SLCO4C1: variants seen among roughly 807,000 people sequenced by gnomAD.
SLCO4C1 encodes the protein solute carrier organic anion transporter family member 4C1, also known as organic anion transporter M1.
Under a neutral mutation model 72.1 loss-of-function variants are expected in SLCO4C1, and 58 were observed. The ratio of observed to expected loss-of-function variants is 0.80; its 90% CI spans 0.65 to 1.00. SLCO4C1 has a LOEUF of 1.00. SLCO4C1 is among the 50% of genes least tolerant of loss of function. The pLI, the probability that SLCO4C1 is intolerant of heterozygous loss-of-function variation, is 0.00. For synonymous variants in SLCO4C1, 297 were observed against 312.5 expected (o/e 0.95, Z 0.52); for missense variants, 898 against 857.9 (o/e 1.05, Z -0.58).
chr5:102,269,625 T>G (rs1191830660), intron 3 of SLCO4C1, among the ~76,000 whole-genome samples: 1 of 152,182 alleles, frequency 6.6e-6, no homozygotes. Context: ...CTGAGTTCCC[T>G]TGATATCGTA....
rs1408420153 is a variant in SLCO4C1, at chr5:102,262,008, G to A, written c.925C>T (p.Arg309Ter). ...CCAATCCACCAAGCTCCCAACCATC[G>A]CGGATCATCCTCAGTGACATCAGTG... ...ESTDVTEDDP[R>*]WLGAWWIGFL... is the part of the protein sequence containing the mutation. The change falls in exon 5 of 13, where the codon CGA (arginine) becomes TGA (stop). Residue 309 changes from arginine (R) to a stop codon, truncating the protein, a stop_gained. Transcript: ENST00000310954. LOFTEE classifies it high-confidence loss of function. The A allele has an allele frequency of 9.3e-6, 15 of 1,612,722 alleles. No individual in the cohort carries two copies. The Admixed American group carries it at 1.2e-4, about 13-fold the overall frequency.
At chr5:102,275,027 T>G (rs1749223525) in intron 2 of SLCO4C1, among the ~76,000 whole-genome samples, 1 of 152,026 alleles carries the variant, frequency 6.6e-6, no homozygotes, top group East Asian at 1.9e-4. Flanking sequence ...TTTATTAAAA[T>G]TAAGATTAGG....
At chr5:102,258,153 A>G in intron 6 of SLCO4C1, 66 bp from the exon 7 acceptor site, 4 of 1,303,192 alleles carry the variant, frequency 3.1e-6, no homozygotes, top group Non-Finnish European at 4.1e-6. Flanking sequence ...CAGAATTAGA[A>G]GGTTAGCATG....
At position 102,235,795 on chromosome 5, in the gene SLCO4C1, C is replaced by G. The variant is rs2112327258; in HGVS notation, c.*1063G>C. ...CTGATGGTCTGAGGTGGAGCAGTTT[C>G]ATCTCAAAACCATACCTTCTTCCCC... On this transcript the variant is annotated 3_prime_UTR_variant, in exon 13 of 13. Transcript: ENST00000310954. 1 of 152,352 alleles carries G rather than the reference C, an allele frequency of 6.6e-6. No homozygotes were observed. Among genetic ancestry groups the G allele is most frequent in the African/African-American group, 2.4e-5 (1 of 41,582 alleles). 9.4% of individuals were successfully genotyped at this position (152,352 alleles called of 1,614,324 possible).
At chr5:102,250,998 A>G (rs1451917276) in intron 8 of SLCO4C1, among the ~76,000 whole-genome samples, 1 of 151,996 alleles carries the variant, frequency 6.6e-6, no homozygotes, top group Non-Finnish European at 1.5e-5. Context: ...AAAAAATCGT[A>G]AAAAATATAT....
chr5:102,258,759 C>G (rs550594221), intron 6 of SLCO4C1, among the ~76,000 whole-genome samples: 1 of 152,022 alleles, frequency 6.6e-6, no homozygotes, highest in South Asian at 2.1e-4. Flanking sequence ...CAAACACACA[C>G]ACACACCACA....
Position 102,258,202 on chromosome 5 carries a change from A to C in SLCO4C1, c.1129-115T>G, listed in dbSNP as rs983924997. On this transcript the variant is annotated intron_variant, in intron 6 of 12. Transcript: ENST00000310954. The stretch of plus-strand genomic sequence containing the variant: ...ATTTTACAATCATCTGTAAAATTTC[A>C]GCATTTCCTCCAAAACAAAAATATA... The C allele has an allele frequency of 1.1e-5, 9 of 805,802 alleles. No homozygotes were observed. In the Admixed American group the frequency reaches 2.2e-4, roughly 19 times the overall value. The allele number at this position is 805,802 out of a possible 1,614,324, so 49.9% of individuals were successfully genotyped here.
chr5:102,247,101 A>C (rs1013235478), intron 10 of SLCO4C1, 151 bp downstream of exon 10: 6 of 464,148 alleles, frequency 1.3e-5, no homozygotes, highest in South Asian at 9.0e-5. Flanking sequence ...TCTACAGAGG[A>C]GCTTGTCCAA....
chr5:102,264,821 A>G (rs1020469629), intron 3 of SLCO4C1, among the ~76,000 whole-genome samples: 5 of 125,634 alleles, frequency 4.0e-5, no homozygotes, highest in Admixed American at 1.7e-4. Flanking sequence ...TTCTATTCTC[A>G]AATTCTATGA....
chr5:102,256,685 G>A (rs1439083552), intron 8 of SLCO4C1, among the ~76,000 whole-genome samples: 1 of 152,126 alleles, frequency 6.6e-6, no homozygotes, highest in South Asian at 2.1e-4. Context: ...TATTAGCAAG[G>A]ACTAGCTTTA....
chr5:102,256,251 CT>C (rs1260204324), intron 8 of SLCO4C1, among the ~76,000 whole-genome samples: 4 of 152,160 alleles, frequency 2.6e-5, no homozygotes, highest in African/African-American at 9.7e-5. Context: ...TAACTAAACA[CT>C]GCTTTAGAAC....
Position 102,236,792 on chromosome 5 carries a change from G to A in SLCO4C1, c.*66C>T. 3 of 1,455,170 alleles carry A rather than the reference G, an allele frequency of 2.1e-6. No individual in the cohort carries two copies. The highest frequency in any genetic ancestry group is 1.9e-6 in the Non-Finnish European group (2 of 1,054,252). The allele number at this position is 1,455,170 out of a possible 1,614,324, so 90.1% of individuals were successfully genotyped here. A position where few individuals can be genotyped will look rare whatever the true frequency, so the allele number is the denominator to read the frequency against. On this transcript the variant is annotated 3_prime_UTR_variant, in exon 13 of 13. Coordinates refer to ENST00000310954, the MANE Select transcript of SLCO4C1 (RefSeq NM_180991.5). ...ATATTGGATAGATAATCCTGCCATG[G>A]CAATGTGTGTTCTTAAAAATCGAGG... is the stretch of plus-strand genomic sequence containing the variant.
rs1374050808 is a variant in SLCO4C1, at chr5:102,257,131, A to T, written c.1453T>A (p.Ser485Thr). Residue 485 changes from serine (S) to threonine (T), a missense_variant, in exon 8 of 13, where the codon TCT (serine) becomes ACT (threonine). Ser to Thr is a moderately conservative substitution (Grantham distance 58). Coordinates refer to ENST00000310954, the MANE Select transcript of SLCO4C1 (RefSeq NM_180991.5). ...TGTATTTACCCATTATATGATTCAG[A>T]TACACCAGCAAATGGCTCATTTTCA... ...KCENEPFAGV[S>T]ESYNGTGELG... 1.3e-6 allele frequency: 2 copies of T among 1,591,280 alleles called. No homozygotes were observed. Among genetic ancestry groups the T allele is most frequent in the Admixed American group, 1.8e-5 (1 of 55,350 alleles).
intron 2 of SLCO4C1, among the ~76,000 whole-genome samples, chr5:102,284,997 GGAAAA>G (rs1387911496): frequency 3.3e-5 from 5 of 152,042 alleles, no homozygotes; most frequent in Admixed American, 3.3e-4. Flanking sequence ...AATCTGGAAA[GGAAAA>G]GAAACCTTTC....
At chr5:102,268,937 C>T (rs2112373091) in intron 3 of SLCO4C1, among the ~76,000 whole-genome samples, 1 of 152,222 alleles carries the variant, frequency 6.6e-6, no homozygotes, top group Admixed American at 6.6e-5. Flanking sequence ...GTATTCTTGA[C>T]AGACAGCTGT....
chr5:102,294,451 T>C (rs750070721), intron 1 of SLCO4C1, among the ~76,000 whole-genome samples: 22 of 152,200 alleles, frequency 1.4e-4, no homozygotes, highest in Non-Finnish European at 1.8e-4. Context: ...ACAATTACAT[T>C]TGATAACAAT....
chr5:102,249,076 A>G (rs1369619977), intron 9 of SLCO4C1, among the ~76,000 whole-genome samples: 3 of 152,236 alleles, frequency 2.0e-5, no homozygotes, highest in Non-Finnish European at 4.4e-5. Flanking sequence ...AACTGTACCT[A>G]GTGAAAATAG....
intron 10 of SLCO4C1, among the ~76,000 whole-genome samples, chr5:102,246,015 A>C (rs1326971123): frequency 6.6e-6 from 1 of 152,060 alleles, no homozygotes. Flanking sequence ...CAACATGCCA[A>C]AATCTATGGG....
chr5:102,293,766 C>T (rs1390866733), intron 1 of SLCO4C1, among the ~76,000 whole-genome samples: 1 of 152,028 alleles, frequency 6.6e-6, no homozygotes, highest in African/African-American at 2.4e-5. Flanking sequence ...GACCTTGCCT[C>T]GCTCTGTCAC....
Sources: allele counts gnomAD v4.1 joint callset (sites outside exome capture counted in the v4.1 genomes callset), GRCh38; gene constraint gnomAD v4.1.1; transcripts MANE v1.5; gene names NCBI Gene and HGNC (gene_info 2026-07-23, HGNC 2026-07-21).